The following ARHGAP15 variants were observed in gnomAD, a reference collection of about 807,000 sequenced individuals.
ARHGAP15 encodes the protein Rho GTPase activating protein 15, also known as rho GTPase-activating protein 15.
In ARHGAP15, 51 loss-of-function variants were observed where a neutral mutation model predicts 63.7. The observed-to-expected ratio is 0.80, with a 90% CI of 0.64 to 1.01. ARHGAP15 has a LOEUF of 1.01. ARHGAP15 is among the 50% of genes least tolerant of loss of function. The probability of loss-of-function intolerance (pLI) is 0.00; values close to 1 mark genes in which losing one functional copy is unlikely to be tolerated. For missense variants in ARHGAP15, 560 were observed against 564.6 expected (o/e 0.99, Z 0.08); for synonymous variants, 191 against 193.8 (o/e 0.99, Z 0.12).
chr2:143,239,515 T>C (rs568716942), intron 5 of ARHGAP15, among the ~76,000 whole-genome samples: 1 of 152,298 alleles, frequency 6.6e-6, no homozygotes, highest in Admixed American at 6.5e-5. Context: ...TTTGACGTTA[T>C]AAAAATTTTA....
chr2:143,537,623 T>C lies in ARHGAP15; in HGVS notation c.925+18259T>C, dbSNP rs189431246. 3.0e-3 allele frequency among the ~76,000 whole-genome samples: 453 copies of C among 152,336 alleles called. 3 individuals are homozygous for C. The highest frequency in any genetic ancestry group is 0.01 in the African/African-American group (429 of 41,576). On this transcript the variant is annotated intron_variant, in intron 10 of 13. Coordinates refer to ENST00000295095, the MANE Select transcript of ARHGAP15 (RefSeq NM_018460.4). ...GCTAGCCAGTTTTCCCAGCACCATTTATTAAATAGGGAATCCTTTCCCCAT... is the reference window on the plus strand; with the variant it reads ...GCTAGCCAGTTTTCCCAGCACCATTCATTAAATAGGGAATCCTTTCCCCAT...
In ARHGAP15 at chr2:143,768,031, C is replaced by T. The variant is rs202023552; in HGVS notation, c.1287C>T (p.Ser429=). The T allele has an allele frequency of 1.7e-5, 27 of 1,613,646 alleles. No homozygotes were observed. In the East Asian group the frequency reaches 4.9e-4, roughly 29 times the overall value. ...KASKNLMSTQ[S]LGIVFGPTLL... The stretch of plus-strand genomic sequence containing the variant: ...CCAAGAACCTCATGTCCACGCAAAG[C>T]TTGGGGATTGTATTTGGACCTACCC... The change falls in exon 14 of 14, where the codon AGC becomes AGT. Residue 429 remains serine (S), a synonymous_variant. Transcript: ENST00000295095.
At chr2:143,510,907 TG>T (rs749517900) in intron 9 of ARHGAP15, among the ~76,000 whole-genome samples, 2 of 152,230 alleles carry the variant, frequency 1.3e-5, no homozygotes, top group Non-Finnish European at 2.9e-5. Flanking sequence ...GAAAAGCCTG[TG>T]GAGACTGTCT....
chr2:143,353,936 A>G (rs1685687802), intron 6 of ARHGAP15, among the ~76,000 whole-genome samples: 2 of 152,156 alleles, frequency 1.3e-5, no homozygotes. Context: ...ATGATGGAGC[A>G]AGATTTTAAG....
At chr2:143,398,355 C>T (rs1687860046) in intron 6 of ARHGAP15, among the ~76,000 whole-genome samples, 4 of 152,106 alleles carry the variant, frequency 2.6e-5, no homozygotes, top group Admixed American at 2.0e-4. Context: ...CAGCTTTGAG[C>T]TTTTGTAGTT....
chr2:143,401,231 G>A (rs548624030), intron 6 of ARHGAP15, among the ~76,000 whole-genome samples: 1 of 151,950 alleles, frequency 6.6e-6, no homozygotes, highest in Admixed American at 6.6e-5. Context: ...ATGAATGGAG[G>A]TAGAAATAAA....
intron 12 of ARHGAP15, among the ~76,000 whole-genome samples, chr2:143,632,827 T>A (rs1160933041): frequency 3.3e-5 from 5 of 152,172 alleles, no homozygotes; most frequent in Non-Finnish European, 7.4e-5. Flanking sequence ...TTTTCTTTAC[T>A]CTTGACTTTA....
intron 6 of ARHGAP15, among the ~76,000 whole-genome samples, chr2:143,334,540 A>G (rs1266357656): frequency 6.6e-6 from 1 of 152,196 alleles, no homozygotes; most frequent in Non-Finnish European, 1.5e-5. Context: ...GCCAATGGTG[A>G]TAAGATGTAA....
intron 12 of ARHGAP15, among the ~76,000 whole-genome samples, chr2:143,693,928 C>G (rs1683726164): frequency 1.3e-5 from 2 of 152,158 alleles, no homozygotes; most frequent in Non-Finnish European, 2.9e-5. Context: ...GAAATTTTGT[C>G]TGATCTACTG....
chr2:143,577,591 G>T (rs1180319745), intron 11 of ARHGAP15, among the ~76,000 whole-genome samples: 2 of 152,086 alleles, frequency 1.3e-5, no homozygotes, highest in Non-Finnish European at 2.9e-5. Context: ...CTCAGGCTTT[G>T]CATGGTTGTA....
intron 6 of ARHGAP15, among the ~76,000 whole-genome samples, chr2:143,400,736 T>G (rs1209144464): frequency 1.3e-5 from 2 of 152,056 alleles, no homozygotes; most frequent in Admixed American, 6.6e-5. Context: ...ATTTAAATTT[T>G]ATGCTGGATG....
chr2:143,446,413 C>A (rs1690140206), intron 8 of ARHGAP15, among the ~76,000 whole-genome samples: 1 of 151,880 alleles, frequency 6.6e-6, no homozygotes. Flanking sequence ...TGCCAAAATG[C>A]AGCATAAACA....
At chr2:143,228,889 G>A (rs1693329565) in intron 5 of ARHGAP15, among the ~76,000 whole-genome samples, 1 of 152,174 alleles carries the variant, frequency 6.6e-6, no homozygotes, top group African/African-American at 2.4e-5. Flanking sequence ...AAAATGAGAT[G>A]TATGGTGAGC....
At chr2:143,275,906 C>T (rs1681523803) in intron 6 of ARHGAP15, among the ~76,000 whole-genome samples, 1 of 152,150 alleles carries the variant, frequency 6.6e-6, no homozygotes, top group South Asian at 2.1e-4. Context: ...TCTTCCAAGA[C>T]CCTGGCTATC....
chr2:143,402,821 G>A (rs1223634651), intron 6 of ARHGAP15, among the ~76,000 whole-genome samples: 1 of 151,796 alleles, frequency 6.6e-6, no homozygotes, highest in East Asian at 1.9e-4. Flanking sequence ...AACATCAGTC[G>A]ATTGTTTTTC....
intron 1 of ARHGAP15, 72 bp from the exon 2 acceptor site, chr2:143,155,405 G>C: frequency 7.6e-7 from 1 of 1,322,654 alleles, no homozygotes; most frequent in Non-Finnish European, 1.0e-6. Context: ...TGATTACTAG[G>C]GACACTCCAT....
intron 4 of ARHGAP15, among the ~76,000 whole-genome samples, chr2:143,222,617 C>T (rs1242429912): frequency 6.6e-6 from 1 of 152,126 alleles, no homozygotes; most frequent in Non-Finnish European, 1.5e-5. Flanking sequence ...TGCTGCCATC[C>T]GGTGTCCATT....
intron 1 of ARHGAP15, among the ~76,000 whole-genome samples, chr2:143,149,216 T>C (rs974995670): frequency 2.0e-5 from 3 of 151,954 alleles, no homozygotes; most frequent in African/African-American, 4.8e-5. Flanking sequence ...CAGAGAAAGT[T>C]TGTGCATGTT....
intron 10 of ARHGAP15, among the ~76,000 whole-genome samples, chr2:143,523,232 A>G (rs898908170): frequency 6.6e-6 from 1 of 152,160 alleles, no homozygotes; most frequent in Non-Finnish European, 1.5e-5. Context: ...TTAAGCAAAC[A>G]GACACACACG....
Sources: gnomAD v4.1 joint callset for allele counts (sites outside exome capture counted in the v4.1 genomes callset) on GRCh38, gnomAD v4.1.1 for gene constraint, MANE v1.5 for transcripts, NCBI Gene and HGNC (gene_info 2026-07-23, HGNC 2026-07-21) for gene names.